The following PHF20L1 variants were observed in gnomAD, a reference collection of about 807,000 sequenced individuals.
The protein encoded by PHF20L1 is PHD finger protein 20-like protein 1.
Under a neutral mutation model 125.5 loss-of-function variants are expected in PHF20L1, and 44 were observed. The ratio of observed to expected loss-of-function variants is 0.35; its 90% CI spans 0.28 to 0.45. The LOEUF (loss-of-function observed/expected upper bound fraction) is 0.45. Ranked by LOEUF, PHF20L1 falls within the 20% of genes least tolerant of loss-of-function variation. The pLI is 1.00. For synonymous variants in PHF20L1, 380 were observed against 403.1 expected, an observed-to-expected ratio of 0.94 and a Z score of 0.69; for missense variants, 1,012 against 1,217.2, an observed-to-expected ratio of 0.83 and a Z score of 2.51.
chr8:132,796,321 A>G (rs1416962697), intron 4 of PHF20L1, among the ~76,000 whole-genome samples: 1 of 152,060 alleles, frequency 6.6e-6, no homozygotes, highest in Non-Finnish European at 1.5e-5. Context: ...ATGAAGTGTC[A>G]TGTAATCTTG....
Position 132,814,762 on chromosome 8 carries a change from C to G in PHF20L1, c.1056C>G (p.Cys352Trp). The change falls in exon 10 of 21, where the codon TGC (cysteine) becomes TGG (tryptophan). Residue 352 changes from cysteine (C) to tryptophan (W), a missense_variant. By Grantham distance (215) the Cys-to-Trp change is radical. Coordinates refer to ENST00000395386, the MANE Select transcript of PHF20L1 (RefSeq NM_016018.5). ...CAGGGAAGGCTCGCAGCAAGAAATG[C>G]AAACATGAATCTGGAGATTCTTCTG... The part of the protein sequence containing the change: ...LSSGKARSKK[C>W]KHESGDSSGC... The G allele has an allele frequency of 6.2e-7, 1 of 1,613,030 alleles. No individual in the cohort carries two copies. Among genetic ancestry groups the G allele is most frequent in the Non-Finnish European group, 8.5e-7 (1 of 1,179,276 alleles).
rs377465345 is a variant in PHF20L1, at chr8:132,833,956, G to A, written c.1909+1557G>A. On this transcript the variant is annotated intron_variant, in intron 15 of 20. Transcript: ENST00000395386. ...ATTTCTGAGTTCCAGCAAGTTCCCC[G>A]GTGATGATAAATGTTGCTGATCAGG... Among the ~76,000 whole-genome samples the A allele has an allele frequency of 5.8e-4, 89 of 152,178 alleles. 1 individual carries two copies. Among genetic ancestry groups the A allele is most frequent in the African/African-American group, 2.1e-3 (87 of 41,544 alleles).
chr8:132,836,567 A>T lies in PHF20L1; in HGVS notation c.1937A>T (p.Asp646Val). ...ENLSDVDFLD[D>V]SSTESLLLSG... Reference sequence around the variant, plus strand: ...TTATCAGATGTAGACTTCCTAGATGATTCTTCAACGGAGAGTTTGCTTCTG... The same window carrying T: ...TTATCAGATGTAGACTTCCTAGATGTTTCTTCAACGGAGAGTTTGCTTCTG... The change falls in exon 16 of 21, where the codon GAT (aspartate) becomes GTT (valine). Residue 646 changes from aspartate to valine, a missense_variant. Physicochemically the swap from Asp to Val is radical, Grantham distance 152 (BLOSUM62 -3). This residue lies in a region of PHF20L1 where 320 missense variants were observed against 293.8 expected (regional missense o/e 1.09). Transcript: ENST00000395386. 6.2e-7 allele frequency: 1 copy of T among 1,611,412 alleles called. No homozygotes were observed.
intron 1 of PHF20L1, among the ~76,000 whole-genome samples, chr8:132,776,438 A>G (rs1325810962): frequency 6.6e-6 from 1 of 152,210 alleles, no homozygotes; most frequent in Non-Finnish European, 1.5e-5. Context: ...CGCACTGACA[A>G]GACCTCTATT....
chr8:132,801,642 A>G (rs1274765676), intron 6 of PHF20L1, among the ~76,000 whole-genome samples: 1 of 151,726 alleles, frequency 6.6e-6, no homozygotes. Context: ...AAAATGTGTT[A>G]TATTTGAGTG....
rs1209532945 is a variant in PHF20L1, at chr8:132,846,136, A to G, written c.*213A>G. Reference sequence around the variant, plus strand: ...AAAACAAATTCATGAGCAAGCTGCAAATGAGAATGTGTTATATGCCAAGGA... The same window carrying G: ...AAAACAAATTCATGAGCAAGCTGCAGATGAGAATGTGTTATATGCCAAGGA... On this transcript the variant is annotated 3_prime_UTR_variant, in exon 21 of 21. Transcript: ENST00000395386. 8.2e-6 allele frequency: 4 copies of G among 485,010 alleles called. No individual in the cohort carries two copies. In the Admixed American group the frequency reaches 1.3e-4, roughly 16 times the overall value. The allele number at this position is 485,010 out of a possible 1,614,324, so 30.0% of individuals were successfully genotyped here.
chr8:132,777,952 C>A, intron 2 of PHF20L1, 41 bp downstream of exon 2: 1 of 1,182,374 alleles, frequency 8.5e-7, no homozygotes, highest in Non-Finnish European at 1.3e-6. Flanking sequence ...ATCACAATAT[C>A]TGTAGCCTTA....
intron 2 of PHF20L1, among the ~76,000 whole-genome samples, chr8:132,790,132 C>T (rs893883682): frequency 6.6e-6 from 1 of 152,156 alleles, no homozygotes; most frequent in Non-Finnish European, 1.5e-5. Flanking sequence ...ATTAACACTA[C>T]AGCTTCCAAA....
At position 132,794,568 on chromosome 8, in the gene PHF20L1, A is replaced by G; in HGVS notation, c.242A>G (p.Glu81Gly). ...PALRKEGLKD[E>G]EDFFDFKAGE... ...CTAAGAAAAGAAGGGCTAAAAGATG[A>G]GGAAGATTTCTTTGTAAGTAGCAAG... Residue 81 changes from glutamate to glycine, a missense_variant, in exon 3 of 21, where the codon GAG (glutamate) becomes GGG (glycine). Physicochemically the swap from Glu to Gly is moderately conservative, Grantham distance 98. This residue lies in a region of PHF20L1 where 94 missense variants were observed against 179.5 expected (regional missense o/e 0.52). Coordinates refer to ENST00000395386, the MANE Select transcript of PHF20L1 (RefSeq NM_016018.5). 1 of 1,607,960 alleles carries G rather than the reference A, an allele frequency of 6.2e-7. No homozygotes were observed.
chr8:132,837,850 C>T (rs1837535885), intron 17 of PHF20L1, 39 bp downstream of exon 17: 1 of 1,370,030 alleles, frequency 7.3e-7, no homozygotes, highest in African/African-American at 1.4e-5. Flanking sequence ...CAGGATGCCT[C>T]TATGTCTCCT....
chr8:132,816,681 T>C (rs987643181), intron 10 of PHF20L1: 24 of 490,506 alleles, frequency 4.9e-5, no homozygotes, highest in African/African-American at 4.5e-4. Flanking sequence ...TAGTAGAGTG[T>C]AGATTTTACA....
At chr8:132,776,774 A>G (rs1449100611) in intron 1 of PHF20L1, among the ~76,000 whole-genome samples, 1 of 152,258 alleles carries the variant, frequency 6.6e-6, no homozygotes, top group African/African-American at 2.4e-5. Context: ...AACTGTAGGG[A>G]ACATAGTCAT....
At chr8:132,811,197 C>A in intron 9 of PHF20L1, 69 bp downstream of exon 9, 2 of 1,584,520 alleles carry the variant, frequency 1.3e-6, no homozygotes, top group Non-Finnish European at 1.7e-6. Context: ...CTAGTATCTA[C>A]GTAATTGAAA....
chr8:132,842,989 A>G (rs1349075597), intron 19 of PHF20L1, 114 bp downstream of exon 19: 1 of 1,453,718 alleles, frequency 6.9e-7, no homozygotes. Context: ...CAAGTTCCCC[A>G]GTACCTTGTT....
chr8:132,837,641 G>A, intron 16 of PHF20L1, 71 bp from the exon 17 acceptor site: 1 of 1,186,470 alleles, frequency 8.4e-7, no homozygotes, highest in African/African-American at 1.5e-5. Context: ...CAAAGAAAGG[G>A]CATGTATCCT....
rs191932005 is a variant in PHF20L1, at chr8:132,830,065, A to G, written c.1745-2170A>G. 3.6e-4 allele frequency among the ~76,000 whole-genome samples: 55 copies of G among 152,148 alleles called. 1 individual carries two copies. The East Asian group carries it at 5.2e-3, about 15-fold the overall frequency. ...AAGTTCTGGAGGTCAGGAGTCCAAA[A>G]TGGGTCTCTCTAGGTTAAAACCAAG... On this transcript the variant is annotated intron_variant, in intron 14 of 20. Transcript: ENST00000395386.
In PHF20L1 at chr8:132,794,798, T is replaced by C. The variant is rs765194685; in HGVS notation, c.321T>C (p.Ile107=). Residue 107 remains isoleucine, a synonymous_variant, in exon 4 of 21, where the codon ATT becomes ATC. Coordinates refer to ENST00000395386, the MANE Select transcript of PHF20L1 (RefSeq NM_016018.5). ...WTDCRYYPAK[I]EAINKEGTFT... ...ACTGTCGCTATTACCCTGCCAAGAT[T>C]GAAGCAATTAACAAAGAAGGTATGT... is the stretch of plus-strand genomic sequence containing the variant. The C allele has an allele frequency of 6.2e-7, 1 of 1,609,726 alleles. No homozygotes were observed. The highest frequency in any genetic ancestry group is 8.5e-7 in the Non-Finnish European group (1 of 1,176,582).
intron 14 of PHF20L1, among the ~76,000 whole-genome samples, chr8:132,829,411 TTTA>T (rs1435703995): frequency 6.6e-6 from 1 of 152,116 alleles, no homozygotes; most frequent in Non-Finnish European, 1.5e-5. Flanking sequence ...ATTGCATAGA[TTTA>T]TTATTCGAAT....
chr8:132,789,235 C>T (rs55641880), intron 2 of PHF20L1, among the ~76,000 whole-genome samples: 2,808 of 152,146 alleles, frequency 0.018, 84 homozygotes, highest in African/African-American at 0.065. Context: ...TGGTGTTAGT[C>T]CAGAATCTGT....
Sources: allele counts gnomAD v4.1 joint callset (sites outside exome capture counted in the v4.1 genomes callset), GRCh38; gene constraint gnomAD v4.1.1; regional missense constraint gnomAD v4.1.1; transcripts MANE v1.5; gene names NCBI Gene and HGNC (gene_info 2026-07-23, HGNC 2026-07-21).